CD247: variants seen among roughly 807,000 people sequenced by gnomAD.
The protein encoded by CD247 is T-cell surface glycoprotein CD3 zeta chain.
Under a neutral mutation model 30.0 loss-of-function variants are expected in CD247, and 13 were observed. The ratio of observed to expected loss-of-function variants is 0.43; its 90% CI spans 0.28 to 0.69. CD247 has a LOEUF of 0.69. Ranked by LOEUF, CD247 falls within the 30% of genes least tolerant of loss-of-function variation. The pLI, the probability that CD247 is intolerant of heterozygous loss-of-function variation, is 0.16. For synonymous variants in CD247, 72 were observed against 80.0 expected (o/e 0.90, Z 0.53); for missense variants, 193 against 212.6 (o/e 0.91, Z 0.57).
chr1:167,464,854 C>T (rs750300940), intron 1 of CD247, among the ~76,000 whole-genome samples: 1 of 151,900 alleles, frequency 6.6e-6, no homozygotes, highest in Non-Finnish European at 1.5e-5. Flanking sequence ...GTACAGTTAC[C>T]GAAAAGGCCC....
intron 1 of CD247, among the ~76,000 whole-genome samples, chr1:167,504,742 A>AGGGCAGTG (rs1479174770): frequency 6.6e-6 from 1 of 152,190 alleles, no homozygotes; most frequent in African/African-American, 2.4e-5. Flanking sequence ...ACGGGACGCT[A>AGGGCAGTG]GGGCAGTGGG....
In CD247 at chr1:167,431,208, A is replaced by G. The variant is rs772332632; in HGVS notation, c.*473T>C. 2 of 435,658 alleles carry G rather than the reference A, an allele frequency of 4.6e-6. No individual in the cohort carries two copies. Among genetic ancestry groups the G allele is most frequent in the Non-Finnish European group, 8.1e-6 (2 of 247,278 alleles). 27.0% of individuals were successfully genotyped at this position (435,658 alleles called of 1,614,324 possible). On this transcript the variant is annotated 3_prime_UTR_variant, in exon 8 of 8. Transcript: ENST00000362089. ...GGCCCTCTCACCAGGGAGGCACAAC[A>G]TGGCCCAGTACAGTTACCTTGAAAG...
At chr1:167,487,947 C>T (rs988512930) in intron 1 of CD247, among the ~76,000 whole-genome samples, 4 of 152,106 alleles carry the variant, frequency 2.6e-5, no homozygotes, top group Non-Finnish European at 4.4e-5. Flanking sequence ...CTATGTTGCC[C>T]AGGTCAGTAT....
chr1:167,492,316 AG>A (rs1287479119), intron 1 of CD247, among the ~76,000 whole-genome samples: 1 of 152,146 alleles, frequency 6.6e-6, no homozygotes, highest in Non-Finnish European at 1.5e-5. Context: ...GGGTGCTGTT[AG>A]CCTGTTTCAC....
chr1:167,474,752 CTT>C (rs1175876563), intron 1 of CD247, among the ~76,000 whole-genome samples: 55 of 123,268 alleles, frequency 4.5e-4, no homozygotes, highest in Admixed American at 7.6e-4. Flanking sequence ...TTAAAACTGT[CTT>C]TTTTTTTTTT....
In CD247 at chr1:167,431,265, C is replaced by T; in HGVS notation, c.*416G>A. 1 of 516,068 alleles carries T rather than the reference C, an allele frequency of 1.9e-6. No individual in the cohort carries two copies. Among genetic ancestry groups the T allele is most frequent in the African/African-American group, 1.9e-5 (1 of 52,936 alleles). The allele number at this position is 516,068 out of a possible 1,614,324, so 32.0% of individuals were successfully genotyped here. ...AAGGTGACAACAGAAGCCAAATTTA[C>T]AGCAGGAGTGAAGCCACTCAGACAC... On this transcript the variant is annotated 3_prime_UTR_variant, in exon 8 of 8. Transcript: ENST00000362089.
At chr1:167,457,551 G>A (rs1652753949) in intron 1 of CD247, 1 of 152,284 alleles carries the variant, frequency 6.6e-6, no homozygotes, top group African/African-American at 2.4e-5. Context: ...AGTTCAGGAG[G>A]GAGCACACGC....
At chr1:167,472,031 A>G (rs1016742355) in intron 1 of CD247, among the ~76,000 whole-genome samples, 33 of 151,758 alleles carry the variant, frequency 2.2e-4, no homozygotes, top group African/African-American at 7.7e-4. Context: ...ATGGGGTTTC[A>G]TCAAGTTGGC....
chr1:167,455,556 C>T (rs1275997602), intron 1 of CD247, among the ~76,000 whole-genome samples: 1 of 152,240 alleles, frequency 6.6e-6, no homozygotes, highest in Non-Finnish European at 1.5e-5. Flanking sequence ...GCAGCAGCCC[C>T]GCCCCGCCGG....
chr1:167,453,162 C>A (rs1652452605), intron 1 of CD247, among the ~76,000 whole-genome samples: 1 of 151,758 alleles, frequency 6.6e-6, no homozygotes, highest in Non-Finnish European at 1.5e-5. Flanking sequence ...ATTGTCATAC[C>A]AAACATTTGC....
At chr1:167,469,857 T>C (rs968719240) in intron 1 of CD247, among the ~76,000 whole-genome samples, 8 of 152,190 alleles carry the variant, frequency 5.3e-5, no homozygotes, top group African/African-American at 1.9e-4. Context: ...ACCTCTTCTC[T>C]AATCTTACAC....
intron 2 of CD247, chr1:167,440,104 C>T (rs1415017956): frequency 6.1e-6 from 1 of 164,520 alleles, no homozygotes; most frequent in Non-Finnish European, 1.3e-5. Context: ...ATGCCAAAGT[C>T]CAAAATTCAA....
At chr1:167,466,602 G>A (rs967655325) in intron 1 of CD247, among the ~76,000 whole-genome samples, 2 of 152,306 alleles carry the variant, frequency 1.3e-5, no homozygotes, top group Non-Finnish European at 2.9e-5. Flanking sequence ...ACGTGTGTAT[G>A]TGTGTATATA....
rs1651265011 is a variant in CD247 at position 167,431,528 on chromosome 1, G to C, written c.*153C>G. 1.3e-6 allele frequency: 1 copy of C among 761,050 alleles called. No individual in the cohort carries two copies. Among genetic ancestry groups the C allele is most frequent in the African/African-American group, 1.7e-5 (1 of 59,004 alleles). The allele number at this position is 761,050 out of a possible 1,614,324, so 47.1% of individuals were successfully genotyped here. A position where few individuals can be genotyped will look rare whatever the true frequency, so the allele number is the denominator to read the frequency against. On this transcript the variant is annotated 3_prime_UTR_variant, in exon 8 of 8. Coordinates refer to ENST00000362089, the MANE Select transcript of CD247 (RefSeq NM_198053.3). Reference sequence around the variant, plus strand: ...GCAGGGACAACAGTCTGTGTGTGAAGGTTTGGAGCTAAATATAACCAAAGC... The same window carrying C: ...GCAGGGACAACAGTCTGTGTGTGAACGTTTGGAGCTAAATATAACCAAAGC...
rs577575187 is a variant in CD247 at position 167,485,095 on chromosome 1, G to C, written c.58+33313C>G. Among the ~76,000 whole-genome samples the C allele has an allele frequency of 1.2e-4, 19 of 152,316 alleles. No individual in the cohort carries two copies. In the East Asian group the frequency reaches 3.7e-3, roughly 29 times the overall value. On this transcript the variant is annotated intron_variant, in intron 1 of 7. Coordinates refer to ENST00000362089, the MANE Select transcript of CD247 (RefSeq NM_198053.3). ...GCACCCCCTTGTGAGGGACAACCAGGCACATCACACCCTCATGGATGCAGA... is the reference window on the plus strand; with the variant it reads ...GCACCCCCTTGTGAGGGACAACCAGCCACATCACACCCTCATGGATGCAGA...
intron 1 of CD247, among the ~76,000 whole-genome samples, chr1:167,460,438 G>A (rs770982108): frequency 2.2e-4 from 33 of 152,082 alleles, no homozygotes; most frequent in Admixed American, 5.9e-4. Context: ...ATAAGATTAT[G>A]ACCAAGAGCC....
chr1:167,439,817 C>A, intron 2 of CD247: 1 of 253,156 alleles, frequency 4.0e-6, no homozygotes, highest in South Asian at 4.8e-5. Context: ...TCTTGACCCC[C>A]GGAGCAGTGT....
intron 2 of CD247, 73 bp from the exon 3 acceptor site, chr1:167,439,473 G>A: frequency 7.5e-7 from 1 of 1,339,548 alleles, no homozygotes; most frequent in Non-Finnish European, 1.1e-6. Flanking sequence ...CAGGGCGCGC[G>A]GCGACCCGAG....
chr1:167,437,172 G>A (rs1254336123), intron 4 of CD247, among the ~76,000 whole-genome samples: 1 of 152,162 alleles, frequency 6.6e-6, no homozygotes, highest in African/African-American at 2.4e-5. Flanking sequence ...GTTGGCTGAG[G>A]CGGGCAGATC....
Sources: allele counts gnomAD v4.1 joint callset (sites outside exome capture counted in the v4.1 genomes callset), GRCh38; gene constraint gnomAD v4.1.1; transcripts MANE v1.5; gene names NCBI Gene and HGNC (gene_info 2026-07-23, HGNC 2026-07-21).